Variants in ZNF263 observed in about 807,000 individuals in gnomAD.
ZNF263 encodes the protein zinc finger protein FPM315.
Under a neutral mutation model 63.1 loss-of-function variants are expected in ZNF263, and 49 were observed. The ratio of observed to expected loss-of-function variants is 0.78; its 90% CI spans 0.62 to 0.99. ZNF263 has a LOEUF of 0.99. Ranked by LOEUF, ZNF263 falls within the 50% of genes least tolerant of loss-of-function variation. ZNF263 has a pLI of 0.00. For synonymous variants in ZNF263, 352 were observed against 324.2 expected, an observed-to-expected ratio of 1.09 and a Z score of -0.92; for missense variants, 872 against 854.8, an observed-to-expected ratio of 1.02 and a Z score of -0.25.
downstream of ZNF263, among the ~76,000 whole-genome samples, chr16:3,294,519 T>C (rs1567256013): frequency 6.6e-6 from 1 of 152,198 alleles, no homozygotes; most frequent in Non-Finnish European, 1.5e-5. Flanking sequence ...TCTTTTACTC[T>C]TCAGTCTAGC....
At chr16:3,284,277 C>T (rs1295899965) in intron 1 of ZNF263, 72 bp downstream of exon 1, 1 of 1,449,850 alleles carries the variant, frequency 6.9e-7, no homozygotes, top group Non-Finnish European at 9.1e-7. Context: ...CGCCCCCGGT[C>T]GAATTCAAGT....
intron 2 of ZNF263, among the ~76,000 whole-genome samples, 154 bp from the exon 3 acceptor site, chr16:3,285,527 C>T (rs557782142): frequency 6.6e-6 from 1 of 152,310 alleles, no homozygotes; most frequent in East Asian, 1.9e-4. Context: ...CTCACCCTGT[C>T]ATTTTGGATA....
At chr16:3,300,747 G>A (rs187386228) in intron 2 of ZNF263, 115 of 1,420,624 alleles carry the variant, frequency 8.1e-5, no homozygotes, top group Admixed American at 6.7e-4. Context: ...TTGTATTGGA[G>A]GATAATGGAC....
At chr16:3,299,496 G>C (rs372706602) in intron 2 of ZNF263, 1 of 1,539,700 alleles carries the variant, frequency 6.5e-7, no homozygotes, top group African/African-American at 1.4e-5. Flanking sequence ...TTATATTGTA[G>C]ATTTTAATTT....
At chr16:3,288,774 T>A (rs1255137933) in intron 5 of ZNF263, among the ~76,000 whole-genome samples, 1 of 152,068 alleles carries the variant, frequency 6.6e-6, no homozygotes, top group Non-Finnish European at 1.5e-5. Context: ...GCCTCCCGAG[T>A]AGCTGGGATT....
intron 3 of ZNF263, 122 bp from the exon 4 acceptor site, chr16:3,285,901 T>C: frequency 1.3e-6 from 2 of 1,567,500 alleles, no homozygotes; most frequent in East Asian, 2.2e-5. Flanking sequence ...CTTGGAGGCC[T>C]GATACCCTTC....
chr16:3,285,350 G>C, intron 2 of ZNF263, 111 bp downstream of exon 2: 1 of 1,254,724 alleles, frequency 8.0e-7, no homozygotes, highest in Admixed American at 2.7e-5. Flanking sequence ...TGAAGATCAG[G>C]TTCTCACCTG....
chr16:3,299,372 A>C, intron 2 of ZNF263: 1 of 1,566,848 alleles, frequency 6.4e-7, no homozygotes, highest in South Asian at 1.2e-5. Flanking sequence ...CCATGTTCTA[A>C]GCCTTGAAAA....
rs779106798 is a variant in ZNF263 at position 3,289,453 on chromosome 16, C to T, written c.947C>T (p.Pro316Leu). ...TCTGTATGCTCTGAGAACATCCACC[C>T]TCAGGTGCTGCTTCCTGACCAGGCC... ...VPSVCSENIH[P>L]QVLLPDQARG... Residue 316 changes from proline to leucine, a missense_variant, in exon 6 of 6, where the codon CCT becomes CTT. Coordinates refer to ENST00000219069, the MANE Select transcript of ZNF263 (RefSeq NM_005741.5). 2.6e-6 allele frequency: 4 copies of T among 1,530,008 alleles called. No homozygotes were observed. Among genetic ancestry groups the T allele is most frequent in the African/African-American group, 2.8e-5 (2 of 71,974 alleles). The allele number at this position is 1,530,008 out of a possible 1,614,324, so 94.8% of individuals were successfully genotyped here.
In ZNF263 at chr16:3,286,140, G is replaced by A; in HGVS notation, c.760G>A (p.Asp254Asn). The A allele has an allele frequency of 6.3e-7, 1 of 1,593,358 alleles. No homozygotes were observed. The highest frequency in any genetic ancestry group is 2.2e-5 in the East Asian group (1 of 44,512). The change falls in exon 4 of 6, where the codon GAC becomes AAC. Residue 254 changes from aspartate to asparagine, a missense_variant. Transcript: ENST00000219069. ...DTVQESYENV[D>N]SLESHIPSQE... Reference sequence around the variant, plus strand: ...GGTGCAGGAGAGTTATGAGAATGTGGACTCACTGGGTAAGGACTTCTTTTC... The same window carrying A: ...GGTGCAGGAGAGTTATGAGAATGTGAACTCACTGGGTAAGGACTTCTTTTC...
intron 4 of ZNF263, among the ~76,000 whole-genome samples, chr16:3,287,693 A>G (rs751165736): frequency 2.0e-5 from 3 of 151,936 alleles, no homozygotes; most frequent in Non-Finnish European, 4.4e-5. Context: ...ACAGCATAGA[A>G]ATGGCACTTG....
At position 3,283,696 on chromosome 16, in the gene ZNF263, G is replaced by C. The variant is rs1959233482; in HGVS notation, c.-123G>C. ...CGCCTGGGCTGGAGCGGGGCTCCTC[G>C]GCCTGGACTGGGAGCCCCCGGCCCC... On this transcript the variant is annotated 5_prime_UTR_variant, in exon 1 of 6. Coordinates refer to ENST00000219069, the MANE Select transcript of ZNF263 (RefSeq NM_005741.5). The C allele has an allele frequency of 1.5e-6, 2 of 1,358,710 alleles. No homozygotes were observed. The highest frequency in any genetic ancestry group is 3.2e-5 in the Admixed American group (1 of 31,232). 84.2% of individuals were successfully genotyped at this position (1,358,710 alleles called of 1,614,324 possible).
At position 3,297,456 on chromosome 16, in the gene ZNF263, C is replaced by CTTTTT. The variant is rs1168352573; in HGVS notation, c.152-1628_152-1624dup. Among the ~76,000 whole-genome samples the CTTTTT allele has an allele frequency of 1.3e-3, 98 of 76,478 alleles. 9 individuals are homozygous for CTTTTT. The highest frequency in any genetic ancestry group is 4.5e-3 in the African/African-American group (88 of 19,586). The allele number at this position is 76,478 out of a possible 152,430, so 50.2% of individuals were successfully genotyped here. The stretch of plus-strand genomic sequence containing the variant: ...AGAATACCCATCTCAGAAACAGATT[C>CTTTTT]TTTTTTTTTTTTTTTTTTTTTTTTT... On this transcript the variant is annotated intron_variant, in intron 1 of 2. Transcript: ENST00000574674.
chr16:3,291,632 A>C (rs947201020), downstream of ZNF263, among the ~76,000 whole-genome samples: 3 of 152,238 alleles, frequency 2.0e-5, no homozygotes, highest in Non-Finnish European at 4.4e-5. Context: ...GGCAGCCTCC[A>C]GGCTGGGACT....
rs190604590 is a variant in ZNF263, at chr16:3,290,669, G to A, written c.*111G>A. 7.3e-5 allele frequency: 107 copies of A among 1,461,034 alleles called. No homozygotes were observed. The African/African-American group carries it at 1.2e-3, about 17-fold the overall frequency. The allele number at this position is 1,461,034 out of a possible 1,614,324, so 90.5% of individuals were successfully genotyped here. The stretch of plus-strand genomic sequence containing the variant: ...ACCAAATGACCTCTGCATTCTTCAG[G>A]TAATGGGGGCTCATTGTGAGGGAGG... On this transcript the variant is annotated 3_prime_UTR_variant, in exon 6 of 6. Coordinates refer to ENST00000219069, the MANE Select transcript of ZNF263 (RefSeq NM_005741.5).
intron 2 of ZNF263, chr16:3,300,783 G>T: frequency 8.2e-7 from 1 of 1,212,198 alleles, no homozygotes; most frequent in Non-Finnish European, 1.1e-6. Flanking sequence ...TGACTGAAGA[G>T]CTAGTCTAGA....
intron 1 of ZNF263, among the ~76,000 whole-genome samples, chr16:3,296,599 G>A (rs943544781): frequency 6.6e-6 from 1 of 152,184 alleles, no homozygotes; most frequent in African/African-American, 2.4e-5. Flanking sequence ...AGGCAAGAAA[G>A]CACAAATCAA....
Position 3,290,081 on chromosome 16 carries a change from A to C in ZNF263, c.1575A>C (p.Lys525Asn). 6.2e-7 allele frequency: 1 copy of C among 1,614,020 alleles called. No homozygotes were observed. Among genetic ancestry groups the C allele is most frequent in the Non-Finnish European group, 8.5e-7 (1 of 1,179,996 alleles). Reference sequence around the variant, plus strand: ...CTTATAAGTGTCCCGAGTGTGGGAAAAGTTTCTCTCGGAGTTCACACCTCG... The same window carrying C: ...CTTATAAGTGTCCCGAGTGTGGGAACAGTTTCTCTCGGAGTTCACACCTCG... ...ERPYKCPECG[K>N]SFSRSSHLVI... Residue 525 changes from lysine to asparagine, a missense_variant, in exon 6 of 6, where the codon AAA becomes AAC. By Grantham distance (94) the Lys-to-Asn change is moderately conservative (BLOSUM62 0). Coordinates refer to ENST00000219069, the MANE Select transcript of ZNF263 (RefSeq NM_005741.5).
intron 1 of ZNF263, 58 bp from the exon 2 acceptor site, chr16:3,285,001 T>C (rs1959288536): frequency 6.3e-7 from 1 of 1,596,520 alleles, no homozygotes; most frequent in South Asian, 1.1e-5. Context: ...TATCCTATAC[T>C]AATTTCCCTT....
Sources: allele counts gnomAD v4.1 joint callset (sites outside exome capture counted in the v4.1 genomes callset), GRCh38; gene constraint gnomAD v4.1.1; transcripts MANE v1.5; gene names NCBI Gene and HGNC (gene_info 2026-07-23, HGNC 2026-07-21).